The following AGAP1 variants were observed in gnomAD, a reference collection of about 807,000 sequenced individuals.
AGAP1 encodes arf-GAP with GTPase, ANK repeat and PH domain-containing protein 1.
Under a neutral mutation model 105.3 loss-of-function variants are expected in AGAP1, and 29 were observed. That is an observed-to-expected ratio of 0.28 (90% confidence interval 0.21 to 0.38). The LOEUF is 0.38. Ranked by LOEUF, AGAP1 falls within the 10% of genes least tolerant of loss-of-function variation. The probability of loss-of-function intolerance (pLI) is 1.00; values close to 1 mark genes in which losing one functional copy is unlikely to be tolerated. For missense variants in AGAP1, 998 were observed against 1,165.1 expected, an observed-to-expected ratio of 0.86 and a Z score of 2.09; for synonymous variants, 509 against 485.9, an observed-to-expected ratio of 1.05 and a Z score of -0.63.
intron 3 of AGAP1, among the ~76,000 whole-genome samples, chr2:235,718,706 G>A (rs1427328015): frequency 6.6e-6 from 1 of 152,180 alleles, no homozygotes; most frequent in Non-Finnish European, 1.5e-5. Context: ...GCAGAATTGT[G>A]TAGTCATGTC....
chr2:235,915,647 C>A, intron 11 of AGAP1, among the ~76,000 whole-genome samples: 1 of 152,170 alleles, frequency 6.6e-6, no homozygotes, highest in Non-Finnish European at 1.5e-5. Context: ...GTACTCCAGC[C>A]TGGGCAACAG....
At position 235,625,139 on chromosome 2, in the gene AGAP1, C is replaced by G. The variant is rs1190708089; in HGVS notation, c.164-84040C>G. ...GTGTGATCATTGGATGAGGAAGGCT[C>G]TCGGAATCATTCCAGGTGCCTGCTC... On this transcript the variant is annotated intron_variant, in intron 1 of 17. Transcript: ENST00000304032. The surrounding 1 kb of genome is among the most constrained non-coding windows in gnomAD (Gnocchi z 4.0). 6.6e-6 allele frequency among the ~76,000 whole-genome samples: 1 copy of G among 152,202 alleles called. No homozygotes were observed. Among genetic ancestry groups the G allele is most frequent in the Non-Finnish European group, 1.5e-5 (1 of 68,046 alleles).
In AGAP1 at chr2:235,739,877, C is replaced by T. The variant is rs1055256722; in HGVS notation, c.311-1086C>T. On this transcript the variant is annotated intron_variant, in intron 3 of 17. Transcript: ENST00000304032. This position sits in a 1 kb window ranked among gnomAD's most constrained non-coding sequence, Gnocchi z 5.3. ...CGTCGCAGGGGAGGGAATCAGACGT[C>T]GCTCTGGGCGGCAGTGGAGCTGGCA... Among the ~76,000 whole-genome samples the T allele has an allele frequency of 1.3e-5, 2 of 152,204 alleles. No individual in the cohort carries two copies. Among genetic ancestry groups the T allele is most frequent in the Non-Finnish European group, 2.9e-5 (2 of 68,040 alleles).
At chr2:235,909,045 T>G in intron 11 of AGAP1, 139 bp downstream of exon 11, 1 of 839,118 alleles carries the variant, frequency 1.2e-6, no homozygotes, top group Non-Finnish European at 1.8e-6. Flanking sequence ...ACCTGATCAC[T>G]TCTGTGGCTG....
In AGAP1 at chr2:235,559,143, T is replaced by A. The variant is rs192521208; in HGVS notation, c.163+64294T>A. On this transcript the variant is annotated intron_variant, in intron 1 of 17. Transcript: ENST00000304032. The surrounding 1 kb of genome is among the most constrained non-coding windows in gnomAD (Gnocchi z 5.7). ...GGTCTTGCCATGTTGCCCAGGCTGG[T>A]CTTGAACTCCTGGGCTTAAGTGATC... is the stretch of plus-strand genomic sequence containing the variant. Among the ~76,000 whole-genome samples, 452 of 152,270 alleles carry A rather than the reference T, an allele frequency of 3.0e-3. No homozygotes were observed. The highest frequency in any genetic ancestry group is 6.8e-3 in the Middle Eastern group (2 of 294).
Position 235,927,966 on chromosome 2 carries a change from G to T in AGAP1, c.1325-2799G>T, listed in dbSNP as rs1275503892. ...CATGCTTAATAATGACTTGACAGGG[G>T]TCTGATTGGGCATTGCAGTGTGGAA... is the stretch of plus-strand genomic sequence containing the variant. On this transcript the variant is annotated intron_variant, in intron 11 of 17. Transcript: ENST00000304032. This position sits in a 1 kb window ranked among gnomAD's most constrained non-coding sequence, Gnocchi z 4.4. 3.9e-5 allele frequency among the ~76,000 whole-genome samples: 6 copies of T among 152,182 alleles called. No homozygotes were observed. Among genetic ancestry groups the T allele is most frequent in the Admixed American group, 6.5e-5 (1 of 15,276 alleles).
chr2:235,738,283 A>G (rs1264129427), intron 3 of AGAP1, among the ~76,000 whole-genome samples: 2 of 152,034 alleles, frequency 1.3e-5, no homozygotes, highest in Non-Finnish European at 2.9e-5. Flanking sequence ...CTGTTTGCTG[A>G]GCTCCTCTGT....
rs1181051810 is a variant in AGAP1, at chr2:235,555,792, C to G, written c.163+60943C>G. On this transcript the variant is annotated intron_variant, in intron 1 of 17. Transcript: ENST00000304032. The surrounding 1 kb of genome is among the most constrained non-coding windows in gnomAD (Gnocchi z 5.1). ...AGACTTTGGGGGTCATCACTCATTT[C>G]TGAGTTACAGAAGTTAAATAGTGAC... is the stretch of plus-strand genomic sequence containing the variant. 2.0e-5 allele frequency among the ~76,000 whole-genome samples: 3 copies of G among 152,276 alleles called. No individual in the cohort carries two copies. The highest frequency in any genetic ancestry group is 7.2e-5 in the African/African-American group (3 of 41,556).
At chr2:236,070,439 CT>C (rs1414461712) in intron 16 of AGAP1, among the ~76,000 whole-genome samples, 2 of 152,206 alleles carry the variant, frequency 1.3e-5, no homozygotes, top group East Asian at 1.9e-4. Flanking sequence ...ACTTCCACCC[CT>C]AGGCGTATCC....
At chr2:236,097,229 C>A (rs1336200371) in intron 16 of AGAP1, among the ~76,000 whole-genome samples, 2 of 151,932 alleles carry the variant, frequency 1.3e-5, no homozygotes, top group Non-Finnish European at 1.5e-5. Context: ...ATTTTAAGTT[C>A]TTTGGCTATA....
chr2:235,727,450 A>G (rs943303479), intron 3 of AGAP1, among the ~76,000 whole-genome samples: 12 of 152,260 alleles, frequency 7.9e-5, no homozygotes, highest in African/African-American at 2.2e-4. Flanking sequence ...CACCTGGGGT[A>G]TGTTTGAATT....
chr2:236,026,467 G>T (rs369832882), intron 13 of AGAP1, among the ~76,000 whole-genome samples: 3 of 152,214 alleles, frequency 2.0e-5, no homozygotes, highest in Non-Finnish European at 4.4e-5. Flanking sequence ...GGTTGCTCAT[G>T]CCTGTAATCC....
intron 1 of AGAP1, among the ~76,000 whole-genome samples, chr2:235,618,615 T>C (rs754960048): frequency 6.6e-6 from 1 of 152,234 alleles, no homozygotes; most frequent in African/African-American, 2.4e-5. Context: ...ATTTTTAAGC[T>C]TATATTTAAA....
intron 1 of AGAP1, among the ~76,000 whole-genome samples, chr2:235,521,990 C>G (rs1169442956): frequency 2.0e-5 from 3 of 152,112 alleles, no homozygotes; most frequent in Admixed American, 2.0e-4. Context: ...AGGGTGCTGT[C>G]AAACTATTGG....
chr2:235,516,554 A>T (rs1364327715), intron 1 of AGAP1, among the ~76,000 whole-genome samples: 1 of 152,168 alleles, frequency 6.6e-6, no homozygotes, highest in Non-Finnish European at 1.5e-5. Flanking sequence ...AACAAGTGTA[A>T]GTGCTTGGCA....
chr2:235,889,286 GGA>G lies in AGAP1; in HGVS notation c.1155+5838_1155+5839del, dbSNP rs1403566717. Among the ~76,000 whole-genome samples, 1 of 152,128 alleles carries G rather than the reference GGA, an allele frequency of 6.6e-6. No individual in the cohort carries two copies. Among genetic ancestry groups the G allele is most frequent in the African/African-American group, 2.4e-5 (1 of 41,410 alleles). ...ACAAAGCAGCCAGTCATGAAACTGG[GGA>G]AACCTGACATTGCAGGACACCGTGG... On this transcript the variant is annotated intron_variant, in intron 10 of 17. Transcript: ENST00000304032. The surrounding 1 kb of genome is among the most constrained non-coding windows in gnomAD (Gnocchi z 4.6).
intron 9 of AGAP1, among the ~76,000 whole-genome samples, chr2:235,852,273 G>A (rs1461853941): frequency 1.3e-5 from 2 of 152,210 alleles, no homozygotes; most frequent in Non-Finnish European, 2.9e-5. Flanking sequence ...AGAGACAAGC[G>A]AGGCAGCGGA....
In AGAP1 at chr2:236,051,510, G is replaced by A. The variant is rs565043367; in HGVS notation, c.2114+2229G>A. Among the ~76,000 whole-genome samples the A allele has an allele frequency of 4.6e-5, 7 of 152,246 alleles. No homozygotes were observed. In the East Asian group the frequency reaches 5.8e-4, roughly 13 times the overall value. On this transcript the variant is annotated intron_variant, in intron 16 of 17. Coordinates refer to ENST00000304032, the MANE Select transcript of AGAP1 (RefSeq NM_001037131.3). This position sits in a 1 kb window ranked among gnomAD's most constrained non-coding sequence, Gnocchi z 5.9. ...GGGCCAGGGGACCAGGTGGGAAGGC[G>A]GGCTGGAGGGTGGGAGTGGCCTCGG...
chr2:235,849,528 A>G (rs558852828), intron 9 of AGAP1, among the ~76,000 whole-genome samples: 9 of 152,294 alleles, frequency 5.9e-5, no homozygotes, highest in Admixed American at 3.3e-4. Context: ...GTTTGAGAGC[A>G]GGTTTTCATG....
Sources: allele counts gnomAD v4.1 joint callset (sites outside exome capture counted in the v4.1 genomes callset), GRCh38; gene constraint gnomAD v4.1.1; non-coding constraint Gnocchi (gnomAD v3.1); transcripts MANE v1.5; gene names NCBI Gene and HGNC (gene_info 2026-07-23, HGNC 2026-07-21).